CDH3: variants seen among roughly 807,000 people sequenced by gnomAD.
CDH3 encodes cadherin 3, also known as cadherin-3.
In CDH3, 54 loss-of-function variants were observed where a neutral mutation model predicts 82.0. That is an observed-to-expected ratio of 0.66 (90% CI 0.53 to 0.83). The LOEUF (loss-of-function observed/expected upper bound fraction) is 0.83, where lower values mean the gene tolerates loss of function less well. Ranked by LOEUF, CDH3 falls within the 40% of genes least tolerant of loss-of-function variation. CDH3 has a pLI of 0.00. For missense variants in CDH3, 1,054 were observed against 1,084.6 expected (o/e 0.97, Z 0.40); for synonymous variants, 446 against 437.9 (o/e 1.02, Z -0.23).
intron 12 of CDH3, 129 bp from the exon 13 acceptor site, chr16:68,691,589 CAA>C (rs1961574805): frequency 1.3e-6 from 1 of 751,882 alleles, no homozygotes; most frequent in East Asian, 2.5e-5. Context: ...TGCTATTTTC[CAA>C]AGTGTGCTTG....
At chr16:68,704,320 G>A (rs1406081507), downstream of CDH3, among the ~76,000 whole-genome samples, 1 of 152,174 alleles carries the variant, frequency 6.6e-6, no homozygotes, top group African/African-American at 2.4e-5. Flanking sequence ...ATCTGTAAGG[G>A]CTTGGAAGGG....
At chr16:68,658,472 G>A (rs375724242) in intron 2 of CDH3, among the ~76,000 whole-genome samples, 382 of 152,226 alleles carry the variant, frequency 2.5e-3, no homozygotes, top group Admixed American at 4.3e-3. Flanking sequence ...ATGAGAGGGC[G>A]GCTGGCTGGA....
intron 13 of CDH3, among the ~76,000 whole-genome samples, chr16:68,692,329 G>A (rs186118067): frequency 7.2e-4 from 109 of 152,162 alleles, no homozygotes; most frequent in African/African-American, 2.2e-3. Flanking sequence ...GAGCCACTGC[G>A]CCCGGTCCAC....
downstream of CDH3, among the ~76,000 whole-genome samples, chr16:68,704,103 G>A (rs928132394): frequency 2.0e-3 from 300 of 151,948 alleles, no homozygotes; most frequent in Middle Eastern, 3.4e-3. Context: ...TGGCTAACAC[G>A]GTGAAACCCC....
chr16:68,687,153 T>C (rs2152103552), intron 11 of CDH3, among the ~76,000 whole-genome samples: 1 of 152,316 alleles, frequency 6.6e-6, no homozygotes, highest in Non-Finnish European at 1.5e-5. Flanking sequence ...TCACCTCTGG[T>C]TGACATGTAA....
chr16:68,660,914 C>T (rs3118236), intron 2 of CDH3, among the ~76,000 whole-genome samples: 1 of 150,642 alleles, frequency 6.6e-6, no homozygotes, highest in Admixed American at 6.6e-5. Context: ...AGCCGAGATC[C>T]CGCCACTGCA....
At position 68,695,419 on chromosome 16, in the gene CDH3, G is replaced by A. The variant is rs778642879; in HGVS notation, c.2133+34G>A. ...CTGGGGGCTCTGGGATTGGGAGGTGGATGCCCCTAAGGCCACTGGCAGGGC... is the reference window on the plus strand; with the variant it reads ...CTGGGGGCTCTGGGATTGGGAGGTGAATGCCCCTAAGGCCACTGGCAGGGC... On this transcript the variant is annotated intron_variant, in intron 14 of 15. Coordinates refer to ENST00000264012, the MANE Select transcript of CDH3 (RefSeq NM_001793.6). 32 of 1,585,022 alleles carry A rather than the reference G, an allele frequency of 2.0e-5. No individual in the cohort carries two copies. The Middle Eastern group carries it at 5.0e-4, about 25-fold the overall frequency.
At chr16:68,718,952 A>T (rs182543185) in intron 1 of CDH3, among the ~76,000 whole-genome samples, 1 of 152,264 alleles carries the variant, frequency 6.6e-6, no homozygotes, top group Non-Finnish European at 1.5e-5. Flanking sequence ...TAAGAAAAAA[A>T]ACGGGGCCGG....
intron 2 of CDH3, among the ~76,000 whole-genome samples, chr16:68,661,775 G>C (rs187066828): frequency 6.6e-6 from 1 of 152,120 alleles, no homozygotes; most frequent in Admixed American, 6.5e-5. Context: ...TGCAACCTCC[G>C]CCTCCCGGGT....
rs34494880 is a variant in CDH3, at chr16:68,685,210, G to A, written c.1430G>A (p.Arg477His). 109,813 of 1,613,764 alleles carry A rather than the reference G, an allele frequency of 0.068. 4,086 individuals are homozygous for A. The highest frequency in any genetic ancestry group is 0.077 in the Non-Finnish European group (90,946 of 1,179,816). ...PDKENQKISY[R>H]ILRDPAGWLA... ...TCTCAACTTTTCCTCTCCAGCTACC[G>A]CATCCTGAGAGACCCAGCAGGGTGG... Residue 477 changes from arginine to histidine, a missense_variant, in exon 11 of 16, where the codon CGC (arginine) becomes CAC (histidine). By Grantham distance (29) the Arg-to-His change is conservative (BLOSUM62 0). Transcript: ENST00000264012.
At chr16:68,682,887 CAAA>C (rs1961271716) in intron 9 of CDH3, among the ~76,000 whole-genome samples, 1 of 152,178 alleles carries the variant, frequency 6.6e-6, no homozygotes, top group Admixed American at 6.5e-5. Context: ...TCTTGCCTCT[CAAA>C]AAGTCTCTTT....
At chr16:68,651,145 G>T in intron 2 of CDH3, 1 of 464,738 alleles carries the variant, frequency 2.2e-6, no homozygotes, top group Non-Finnish European at 4.4e-6. Flanking sequence ...GCAGTAGTTG[G>T]AATTGTATAT....
At chr16:68,698,099 G>A in intron 15 of CDH3, 92 bp from the exon 16 acceptor site, 2 of 1,121,492 alleles carry the variant, frequency 1.8e-6, no homozygotes, top group South Asian at 1.3e-5. Context: ...TTAGGGGAGG[G>A]GAGAGAGGGG....
chr16:68,676,983 C>G (rs1961051539), intron 3 of CDH3, among the ~76,000 whole-genome samples: 2 of 152,218 alleles, frequency 1.3e-5, no homozygotes, highest in Admixed American at 6.5e-5. Context: ...TTGCCCAAAG[C>G]CCCCTTCACC....
In CDH3 at chr16:68,678,613, T is replaced by A. The variant is rs765438205; in HGVS notation, c.503T>A (p.Leu168Ter). The change falls in exon 5 of 16, where the codon TTG (leucine) becomes TAG (stop). Residue 168 changes from leucine to a stop codon, truncating the protein, a stop_gained. Coordinates refer to ENST00000264012, the MANE Select transcript of CDH3 (RefSeq NM_001793.6). LOFTEE classifies it high-confidence loss of function. Reference protein sequence around the residue: ...FAVEKETGWLLLNKPLDREEI... With the variant: ...FAVEKETGWL ...GTAGAGAAGGAGACAGGCTGGTTGT[T>A]GTTGAATAAGCCACTGGACCGGGAG... The A allele has an allele frequency of 6.2e-7, 1 of 1,614,178 alleles. No homozygotes were observed. The highest frequency in any genetic ancestry group is 1.1e-5 in the South Asian group (1 of 91,086).
At chr16:68,662,082 T>G (rs1960597035) in intron 2 of CDH3, among the ~76,000 whole-genome samples, 1 of 152,174 alleles carries the variant, frequency 6.6e-6, no homozygotes, top group African/African-American at 2.4e-5. Flanking sequence ...GGGAATCTGA[T>G]CTAGTTTGGG....
chr16:68,664,447 C>G (rs1960681084), intron 2 of CDH3, among the ~76,000 whole-genome samples: 1 of 152,022 alleles, frequency 6.6e-6, no homozygotes, highest in Admixed American at 6.6e-5. Flanking sequence ...AACTGCTTTC[C>G]CCAGATGCAC....
chr16:68,702,397 TC>T (rs1480563245), downstream of CDH3, among the ~76,000 whole-genome samples: 13 of 152,026 alleles, frequency 8.6e-5, no homozygotes, highest in African/African-American at 2.7e-4. Context: ...TACGGTGGGG[TC>T]GGGGGCAGGA....
chr16:68,659,189 A>G (rs1004099658), intron 2 of CDH3, among the ~76,000 whole-genome samples: 1 of 152,178 alleles, frequency 6.6e-6, no homozygotes, highest in African/African-American at 2.4e-5. Context: ...ACAGCTAAGT[A>G]AGTAGTAGAG....
Sources: gnomAD v4.1 joint callset for allele counts (sites outside exome capture counted in the v4.1 genomes callset) on GRCh38, gnomAD v4.1.1 for gene constraint, MANE v1.5 for transcripts, NCBI Gene and HGNC (gene_info 2026-07-23, HGNC 2026-07-21) for gene names.